The following DNAH6 variants were observed in gnomAD, a reference collection of about 807,000 sequenced individuals.
DNAH6 encodes the protein axonemal beta dynein heavy chain 6.
In DNAH6, 340 loss-of-function variants were observed where a neutral mutation model predicts 491.4. The ratio of observed to expected loss-of-function variants is 0.69; its 90% confidence interval spans 0.63 to 0.76. DNAH6 has a LOEUF of 0.76. Among genes scored for constraint, DNAH6 ranks in the 30% least tolerant of loss-of-function variants. The pLI is 0.00. For synonymous variants in DNAH6, 1,603 were observed against 1,686.1 expected (o/e 0.95, Z 1.21); for missense variants, 4,443 against 4,972.2 (o/e 0.89, Z 3.20).
chr2:84,536,951 A>C (rs1057020694), intron 4 of DNAH6, among the ~76,000 whole-genome samples: 1 of 152,002 alleles, frequency 6.6e-6, no homozygotes, highest in Non-Finnish European at 1.5e-5. Context: ...TATTATGTGC[A>C]TTGTGTTTTG....
intron 40 of DNAH6, 89 bp downstream of exon 40, chr2:84,672,573 T>A: frequency 8.2e-7 from 1 of 1,217,872 alleles, no homozygotes; most frequent in Non-Finnish European, 1.1e-6. Context: ...CATAACAAAG[T>A]ACCACAGATG....
chr2:84,708,460 GAGAAAAAGAGAGAAA>G (rs1230061913), intron 54 of DNAH6, among the ~76,000 whole-genome samples: 1 of 78,736 alleles, frequency 1.3e-5, no homozygotes, highest in African/African-American at 5.9e-5. Context: ...AAGAGAGAAA[GAGAAAAAGAGAGAAA>G]GGGGGGGGGG....
chr2:84,642,596 A>G (rs1205232162), intron 33 of DNAH6, among the ~76,000 whole-genome samples: 1 of 151,588 alleles, frequency 6.6e-6, no homozygotes, highest in Non-Finnish European at 1.5e-5. Flanking sequence ...CATTTATACC[A>G]TTTCTTTTTC....
chr2:84,715,687 G>C, intron 58 of DNAH6, 60 bp downstream of exon 58: 2 of 1,456,784 alleles, frequency 1.4e-6, no homozygotes, highest in Non-Finnish European at 1.9e-6. Flanking sequence ...TAAATATTTT[G>C]TTTAGAAATA....
chr2:84,571,264 G>A (rs1681834085), intron 11 of DNAH6, among the ~76,000 whole-genome samples: 1 of 152,196 alleles, frequency 6.6e-6, no homozygotes, highest in Non-Finnish European at 1.5e-5. Flanking sequence ...AATCTCTGAT[G>A]TGTACTAAAA....
chr2:84,699,849 G>A, intron 48 of DNAH6, 115 bp downstream of exon 48: 10 of 994,312 alleles, frequency 1.0e-5, no homozygotes, highest in Non-Finnish European at 1.3e-5. Flanking sequence ...AAGCCTACTA[G>A]GAATTTATTC....
intron 30 of DNAH6, among the ~76,000 whole-genome samples, chr2:84,635,870 A>T (rs1231312606): frequency 2.0e-5 from 3 of 152,036 alleles, no homozygotes; most frequent in Non-Finnish European, 4.4e-5. Flanking sequence ...GTGGCACATC[A>T]CCTTACTCCA....
chr2:84,532,801 G>T lies in DNAH6; in HGVS notation c.662+3635G>T, dbSNP rs146090755. Among the ~76,000 whole-genome samples the T allele has an allele frequency of 4.2e-3, 644 of 152,216 alleles. 6 individuals are homozygous for T. Among genetic ancestry groups the T allele is most frequent in the African/African-American group, 0.014 (591 of 41,540 alleles). ...CTTATAGCAAAAAACTTTTAAAAAT[G>T]ATATGTCATGCTATTGATGAAGCAC... On this transcript the variant is annotated intron_variant, in intron 4 of 76. Transcript: ENST00000389394.
At chr2:84,562,396 A>G (rs1280519415) in intron 11 of DNAH6, among the ~76,000 whole-genome samples, 1 of 152,198 alleles carries the variant, frequency 6.6e-6, no homozygotes, top group East Asian at 1.9e-4. Context: ...TTGGCTCACA[A>G]GACAAGACAA....
chr2:84,646,209 A>C (rs1339079321), intron 33 of DNAH6, among the ~76,000 whole-genome samples: 3 of 152,192 alleles, frequency 2.0e-5, no homozygotes, highest in Non-Finnish European at 4.4e-5. Context: ...TTCTGGGAGC[A>C]CCACAAACTG....
intron 62 of DNAH6, among the ~76,000 whole-genome samples, chr2:84,734,403 G>A (rs561320043): frequency 1.3e-5 from 2 of 152,092 alleles, no homozygotes; most frequent in East Asian, 3.9e-4. Flanking sequence ...GCCTCCCAAA[G>A]TGCTGGGAAA....
At chr2:84,611,383 G>A (rs1547514) in intron 21 of DNAH6, among the ~76,000 whole-genome samples, 5,417 of 152,084 alleles carry the variant, frequency 0.036, 146 homozygotes, top group Non-Finnish European at 0.053. Context: ...AGTAGGCATC[G>A]TGCTGCCCCC....
Position 84,718,409 on chromosome 2 carries a change from AT to A in DNAH6, c.9792+26del, listed in dbSNP as rs764361967. ...GGCAAGTAAAATATTTTTAGTACTT[AT>A]GGAAAGTATGTTACTTCAAAAGTTA... On this transcript the variant is annotated intron_variant, in intron 59 of 76. Coordinates refer to ENST00000389394, the MANE Select transcript of DNAH6 (RefSeq NM_001370.2). 4 of 1,485,478 alleles carry A rather than the reference AT, an allele frequency of 2.7e-6. No individual in the cohort carries two copies. The South Asian group carries it at 5.6e-5, about 21-fold the overall frequency. The allele number at this position is 1,485,478 out of a possible 1,614,324, so 92.0% of individuals were successfully genotyped here.
chr2:84,472,943 A>G, the DNAH6 span, among the ~76,000 whole-genome samples: 1,955 of 152,310 alleles, frequency 0.013, 105 homozygotes, highest in East Asian at 0.16. Context: ...TGAATCGGAA[A>G]CAATGTTTAC....
chr2:84,653,896 G>C, intron 34 of DNAH6, 22 bp downstream of exon 34: 2 of 1,504,170 alleles, frequency 1.3e-6, no homozygotes, highest in Non-Finnish European at 1.8e-6. Flanking sequence ...CATTACTGTG[G>C]AGTGAAATCA....
At chr2:84,465,181 G>A in the DNAH6 span, among the ~76,000 whole-genome samples, 1 of 152,190 alleles carries the variant, frequency 6.6e-6, no homozygotes, top group African/African-American at 2.4e-5. Flanking sequence ...ATATCTGGAA[G>A]ATTAGTAAGT....
At chr2:84,664,875 G>C (rs1483694751) in intron 37 of DNAH6, among the ~76,000 whole-genome samples, 1 of 152,184 alleles carries the variant, frequency 6.6e-6, no homozygotes. Flanking sequence ...AAATGTAAAA[G>C]AACAGAAATT....
At position 84,658,294 on chromosome 2, in the gene DNAH6, G is replaced by T; in HGVS notation, c.5760G>T (p.Leu1920=). ...ACTATCATTTGTTTCATTTTCAGCT[G>T]ACTGAGGAAACCCAAGAATATATAT... The part of the protein sequence containing the change: ...KTWMKGISKK[L]TEETQEYILN... Residue 1920 remains leucine (L), a splice_region_variant and synonymous_variant, in exon 36 of 77, where the codon CTG becomes CTT. Coordinates refer to ENST00000389394, the MANE Select transcript of DNAH6 (RefSeq NM_001370.2). The T allele has an allele frequency of 6.6e-7, 1 of 1,516,302 alleles. No individual in the cohort carries two copies. Among genetic ancestry groups the T allele is most frequent in the South Asian group, 1.3e-5 (1 of 78,190 alleles). The allele number at this position is 1,516,302 out of a possible 1,614,324, so 93.9% of individuals were successfully genotyped here.
intron 9 of DNAH6, among the ~76,000 whole-genome samples, chr2:84,551,145 A>G (rs530248777): frequency 2.6e-5 from 4 of 152,328 alleles, no homozygotes; most frequent in South Asian, 2.1e-4. Context: ...TAATTATGCA[A>G]TACACAACCT....
Sources: gnomAD v4.1 joint callset for allele counts (sites outside exome capture counted in the v4.1 genomes callset) on GRCh38, gnomAD v4.1.1 for gene constraint, MANE v1.5 for transcripts, NCBI Gene and HGNC (gene_info 2026-07-23, HGNC 2026-07-21) for gene names.